Variants in ADGRB3 observed in about 807,000 individuals in gnomAD.
ADGRB3 encodes adhesion G protein-coupled receptor B3, also known as brain-specific angiogenesis inhibitor 3.
A neutral mutation model predicts 193.4 loss-of-function variants in ADGRB3; 37 were observed. That is an observed-to-expected ratio of 0.19 (90% CI 0.15 to 0.25). The LOEUF (loss-of-function observed/expected upper bound fraction) is 0.25. Among genes scored for constraint, ADGRB3 ranks in the 10% least tolerant of loss-of-function variants. The pLI is 1.00. For synonymous variants in ADGRB3, 690 were observed against 644.2 expected, an observed-to-expected ratio of 1.07 and a Z score of -1.08; for missense variants, 1,637 against 1,852.9, an observed-to-expected ratio of 0.88 and a Z score of 2.14.
At chr6:69,170,868 C>T (rs1371033493) in intron 17 of ADGRB3, among the ~76,000 whole-genome samples, 1 of 152,080 alleles carries the variant, frequency 6.6e-6, no homozygotes, top group Admixed American at 6.5e-5. Flanking sequence ...GGTAGATGAA[C>T]TCAAGGTAGA....
intron 17 of ADGRB3, among the ~76,000 whole-genome samples, chr6:69,176,541 A>G (rs955696076): frequency 6.6e-6 from 1 of 152,102 alleles, no homozygotes; most frequent in African/African-American, 2.4e-5. Flanking sequence ...GTTTGCTAGT[A>G]ATTTGAGAAT....
At chr6:68,940,386 C>T (rs1767601810) in intron 5 of ADGRB3, among the ~76,000 whole-genome samples, 1 of 151,556 alleles carries the variant, frequency 6.6e-6, no homozygotes, top group Non-Finnish European at 1.5e-5. Flanking sequence ...ATGCCAGTAG[C>T]CCCCCGCTTT....
In ADGRB3 at chr6:69,068,874, A is replaced by G. The variant is rs146913010; in HGVS notation, c.2436+5838A>G. Reference sequence around the variant, plus strand: ...AGATGGGACTCATTCTAATTAAAACAGTATTCTACATTTCTCACTTCAGTG... The same window carrying G: ...AGATGGGACTCATTCTAATTAAAACGGTATTCTACATTTCTCACTTCAGTG... On this transcript the variant is annotated intron_variant, in intron 16 of 31. Coordinates refer to ENST00000370598, the MANE Select transcript of ADGRB3 (RefSeq NM_001704.3). Among the ~76,000 whole-genome samples, 347 of 152,308 alleles carry G rather than the reference A, an allele frequency of 2.3e-3. 5 individuals are homozygous for G. The highest frequency in any genetic ancestry group is 8.2e-3 in the African/African-American group (340 of 41,576).
chr6:68,663,073 C>T (rs530789040), intron 3 of ADGRB3, among the ~76,000 whole-genome samples: 2 of 151,240 alleles, frequency 1.3e-5, no homozygotes, highest in African/African-American at 4.8e-5. Flanking sequence ...AAAAGTAAAT[C>T]GAAATACATA....
At chr6:68,903,096 C>A (rs550273972) in intron 3 of ADGRB3, among the ~76,000 whole-genome samples, 1 of 152,234 alleles carries the variant, frequency 6.6e-6, no homozygotes, top group South Asian at 2.1e-4. Context: ...ATGATTTACA[C>A]TTTTGACTTG....
chr6:68,735,696 G>A (rs1314456651), intron 3 of ADGRB3, among the ~76,000 whole-genome samples: 1 of 151,992 alleles, frequency 6.6e-6, no homozygotes, highest in Non-Finnish European at 1.5e-5. Flanking sequence ...TACCATGCTT[G>A]TGTGAGATCA....
Position 68,783,046 on chromosome 6 carries a change from T to A in ADGRB3, c.757+143614T>A, listed in dbSNP as rs554799889. ...TTATTGCCGCTGCTAATGCTTAGAT[T>A]TACTACCAGCTAATATTTATGGAGT... On this transcript the variant is annotated intron_variant, in intron 3 of 31. Coordinates refer to ENST00000370598, the MANE Select transcript of ADGRB3 (RefSeq NM_001704.3). Among the ~76,000 whole-genome samples the A allele has an allele frequency of 8.0e-5, 12 of 150,078 alleles. No homozygotes were observed. The East Asian group carries it at 2.4e-3, about 30-fold the overall frequency.
chr6:68,768,983 A>C (rs1000551797), intron 3 of ADGRB3, among the ~76,000 whole-genome samples: 1 of 152,246 alleles, frequency 6.6e-6, no homozygotes, highest in African/African-American at 2.4e-5. Context: ...TCAAAGCCAC[A>C]ATGAGATACC....
intron 3 of ADGRB3, among the ~76,000 whole-genome samples, chr6:68,827,669 G>C (rs76607890): frequency 0.13 from 19,117 of 151,910 alleles, 1,317 homozygotes; most frequent in Non-Finnish European, 0.13. Context: ...TTTTTTTTGG[G>C]GGGGAGGGGG....
At chr6:68,971,467 T>C (rs1227544864) in intron 8 of ADGRB3, among the ~76,000 whole-genome samples, 1 of 152,168 alleles carries the variant, frequency 6.6e-6, no homozygotes, top group African/African-American at 2.4e-5. Context: ...TTTCAATAAG[T>C]GTTTAGTTGA....
At chr6:68,772,888 A>ATATATAT (rs1554191345) in intron 3 of ADGRB3, among the ~76,000 whole-genome samples, 6 of 51,922 alleles carry the variant, frequency 1.2e-4, no homozygotes, top group Admixed American at 5.0e-4. Flanking sequence ...CAAACAAAAA[A>ATATATAT]AAAAAAATAT....
intron 17 of ADGRB3, among the ~76,000 whole-genome samples, chr6:69,135,557 G>A (rs1489131511): frequency 6.6e-6 from 1 of 151,856 alleles, no homozygotes; most frequent in South Asian, 2.1e-4. Context: ...AGGCAACATG[G>A]CATTTATACT....
intron 5 of ADGRB3, 137 bp downstream of exon 5, chr6:68,936,817 G>C: frequency 2.0e-6 from 2 of 989,058 alleles, no homozygotes; most frequent in East Asian, 2.8e-5. Flanking sequence ...TTATTCAACT[G>C]TAATATTTTA....
At chr6:69,291,864 A>G (rs890806873) in intron 20 of ADGRB3, among the ~76,000 whole-genome samples, 1 of 152,078 alleles carries the variant, frequency 6.6e-6, no homozygotes, top group Non-Finnish European at 1.5e-5. Flanking sequence ...AGATCATAAA[A>G]CCTAAGAAGG....
chr6:68,799,718 A>G (rs560250823), intron 3 of ADGRB3, among the ~76,000 whole-genome samples: 1 of 152,336 alleles, frequency 6.6e-6, no homozygotes, highest in South Asian at 2.1e-4. Flanking sequence ...GTTAAAAAAG[A>G]TCCCTGTGAG....
At chr6:68,978,745 T>G (rs1006574954) in intron 10 of ADGRB3, among the ~76,000 whole-genome samples, 10 of 151,516 alleles carry the variant, frequency 6.6e-5, no homozygotes, top group Admixed American at 5.9e-4. Flanking sequence ...TTGGAGACTG[T>G]GCATTTTTCT....
intron 3 of ADGRB3, among the ~76,000 whole-genome samples, chr6:68,728,837 A>G (rs367640937): frequency 1.7e-4 from 26 of 151,718 alleles, no homozygotes; most frequent in Non-Finnish European, 3.5e-4. Flanking sequence ...AATAAACTGT[A>G]TTATGTGGCC....
Position 69,347,791 on chromosome 6 carries a change from G to GA in ADGRB3, c.3460-6432dup, listed in dbSNP as rs999234254. Among the ~76,000 whole-genome samples, 242 of 145,890 alleles carry GA rather than the reference G, an allele frequency of 1.7e-3. 1 individual carries two copies. The East Asian group carries it at 0.021, about 13-fold the overall frequency. ...CAGAGTGAGGCCTCATCTCTAAAAA[G>GA]AAAAAAAAAATAGAATGCAGTACCT... On this transcript the variant is annotated intron_variant, in intron 26 of 31. Coordinates refer to ENST00000370598, the MANE Select transcript of ADGRB3 (RefSeq NM_001704.3).
chr6:68,944,614 A>G (rs1767728022), intron 6 of ADGRB3, among the ~76,000 whole-genome samples: 1 of 152,018 alleles, frequency 6.6e-6, no homozygotes, highest in South Asian at 2.1e-4. Context: ...TTTCTATTCT[A>G]TTTTATCTAT....
Sources: allele counts gnomAD v4.1 joint callset (sites outside exome capture counted in the v4.1 genomes callset), GRCh38; gene constraint gnomAD v4.1.1; transcripts MANE v1.5; gene names NCBI Gene and HGNC (gene_info 2026-07-23, HGNC 2026-07-21).